ALG9: variants seen among roughly 807,000 people sequenced by gnomAD.
ALG9 encodes alpha-1,2-mannosyltransferase ALG9.
Under a neutral mutation model 81.8 loss-of-function variants are expected in ALG9, and 55 were observed. That is an observed-to-expected ratio of 0.67 (90% CI 0.54 to 0.84). ALG9 has a LOEUF of 0.84. ALG9 is among the 40% of genes least tolerant of loss of function. ALG9 has a pLI of 0.00. For synonymous variants in ALG9, 278 were observed against 274.3 expected (o/e 1.01, Z -0.13); for missense variants, 629 against 745.0 (o/e 0.84, Z 1.81).
At chr11:111,838,559 A>G (rs1434304612) in intron 10 of ALG9, among the ~76,000 whole-genome samples, 160 bp from the exon 11 acceptor site, 3 of 152,252 alleles carry the variant, frequency 2.0e-5, no homozygotes, top group Admixed American at 2.0e-4. Context: ...CTCCTCTAAG[A>G]CTACCTGTAG....
intron 13 of ALG9, among the ~76,000 whole-genome samples, chr11:111,827,312 A>C (rs899632994): frequency 3.3e-5 from 5 of 152,122 alleles, no homozygotes; most frequent in Non-Finnish European, 5.9e-5. Context: ...TCCTGTCTCT[A>C]CTAAAAATAC....
rs1956088743 is a variant in ALG9 at position 111,840,709 on chromosome 11, G to A, written c.1119C>T (p.Phe373=). 1.2e-6 allele frequency: 2 copies of A among 1,613,874 alleles called. No homozygotes were observed. Among genetic ancestry groups the A allele is most frequent in the African/African-American group, 1.3e-5 (1 of 74,882 alleles). Reference sequence around the variant, plus strand: ...AGAGACATATAAGTGGATACACAGGGAAAAGAAATCTCTCCTCTTTGTGAG... The same window carrying A: ...AGAGACATATAAGTGGATACACAGGAAAAAGAAATCTCTCCTCTTTGTGAG... ...IQPHKEERFL[F]PVYPLICLCG... is the part of the protein sequence containing the mutation. Residue 373 remains phenylalanine (F), a synonymous_variant, in exon 10 of 15, where the codon TTC becomes TTT. Coordinates refer to ENST00000616540, the MANE Select transcript of ALG9 (RefSeq NM_024740.2).
rs1555157382 is a variant in ALG9, at chr11:111,870,382, C to CCAA, written c.132-13_132-12insTTG. 2.6e-3 allele frequency: 2,541 copies of CCAA among 968,622 alleles called. 17 individuals carry two copies. Among genetic ancestry groups the CCAA allele is most frequent in the South Asian group, 5.4e-3 (231 of 42,720 alleles). 60.0% of individuals were successfully genotyped at this position (968,622 alleles called of 1,614,324 possible). A position where few individuals can be genotyped will look rare whatever the true frequency, so the allele number is the denominator to read the frequency against. On this transcript the variant is annotated splice_polypyrimidine_tract_variant and intron_variant, in intron 1 of 14. Transcript: ENST00000616540. ...TGTTCCCAGATAACCTGTTCAAAAG[C>CCAA]AAAAAAAAAAAAAAAAAAAAAAGCA...
chr11:111,780,394 G>GTT (rs149395873), downstream of ALG9, among the ~76,000 whole-genome samples: 58 of 143,678 alleles, frequency 4.0e-4, no homozygotes, highest in Middle Eastern at 3.5e-3. Flanking sequence ...TTTTTTTTTT[G>GTT]TTTTGTTTTT....
intron 6 of ALG9, among the ~76,000 whole-genome samples, chr11:111,855,834 AAATAG>A (rs1303759654): frequency 3.3e-5 from 5 of 152,208 alleles, no homozygotes; most frequent in African/African-American, 4.8e-5. Context: ...AGAATGTGCA[AAATAG>A]AATAGAAGAA....
At chr11:111,804,685 G>A (rs1270316155) in intron 14 of ALG9, among the ~76,000 whole-genome samples, 2 of 152,218 alleles carry the variant, frequency 1.3e-5, no homozygotes, top group Non-Finnish European at 2.9e-5. Flanking sequence ...AAGATACTCA[G>A]ATGGCAAATG....
intron 5 of ALG9, 72 bp from the exon 6 acceptor site, chr11:111,857,809 T>G: frequency 2.6e-6 from 4 of 1,558,772 alleles, no homozygotes; most frequent in Non-Finnish European, 3.5e-6. Flanking sequence ...AATTAAAAAC[T>G]GATTAAAAAT....
intron 13 of ALG9, among the ~76,000 whole-genome samples, chr11:111,823,625 C>G (rs1467614737): frequency 2.6e-5 from 4 of 152,140 alleles, no homozygotes; most frequent in Admixed American, 2.0e-4. Context: ...GCTTACATGC[C>G]TGAAAAATTC....
Position 111,860,570 on chromosome 11 carries a change from G to C in ALG9, c.542C>G (p.Thr181Ser). 1 of 1,614,078 alleles carries C rather than the reference G, an allele frequency of 6.2e-7. No homozygotes were observed. The highest frequency in any genetic ancestry group is 8.5e-7 in the Non-Finnish European group (1 of 1,179,988). Residue 181 changes from threonine (T) to serine (S), a missense_variant, in exon 5 of 15, where the codon ACT becomes AGT. Thr to Ser is a moderately conservative substitution (Grantham distance 58). Around this residue, in one of 3 missense-constraint regions of ALG9, gnomAD observed 344 missense variants for 390.5 expected, o/e 0.88. Coordinates refer to ENST00000616540, the MANE Select transcript of ALG9 (RefSeq NM_024740.2). The stretch of plus-strand genomic sequence containing the variant: ...ACCTGATGATGAGCAAAACATGCCA[G>C]TGCTGAGAACCAAGAAGGCTAGCAT... ...RMMLAFLVLS[T>S]GMFCSSSAFL...
chr11:111,836,060 G>A, intron 13 of ALG9, 105 bp downstream of exon 13: 1 of 1,519,600 alleles, frequency 6.6e-7, no homozygotes, highest in Non-Finnish European at 9.1e-7. Flanking sequence ...TAAAAAAATT[G>A]CTTTCTAAGA....
chr11:111,856,276 CAAAAAA>C (rs1175162630), intron 6 of ALG9, among the ~76,000 whole-genome samples: 1 of 38,586 alleles, frequency 2.6e-5, no homozygotes, highest in Non-Finnish European at 6.4e-5. Flanking sequence ...GACTCCATCT[CAAAAAA>C]AAAAAAAAAA....
At chr11:111,829,240 T>C (rs944768872) in intron 13 of ALG9, 1 of 152,190 alleles carries the variant, frequency 6.6e-6, no homozygotes, top group Non-Finnish European at 1.5e-5. Flanking sequence ...CTTTCTTGCA[T>C]CAAAAATAAC....
intron 13 of ALG9, among the ~76,000 whole-genome samples, chr11:111,829,951 A>G (rs930705487): frequency 2.0e-5 from 3 of 152,248 alleles, no homozygotes; most frequent in South Asian, 2.1e-4. Context: ...GTGCTGCCAT[A>G]AAATATTTGA....
chr11:111,848,309 G>A (rs1036689632), intron 8 of ALG9, among the ~76,000 whole-genome samples: 1 of 152,160 alleles, frequency 6.6e-6, no homozygotes, highest in African/African-American at 2.4e-5. Context: ...AATGAAAGGT[G>A]TCAGCTCAAG....
chr11:111,862,137 A>G lies in ALG9; in HGVS notation c.477-1502T>C, dbSNP rs549017912. On this transcript the variant is annotated intron_variant, in intron 4 of 14. Coordinates refer to ENST00000616540, the MANE Select transcript of ALG9 (RefSeq NM_024740.2). Reference sequence around the variant, plus strand: ...CATTTCTAGAAAATTCTCAGCTATTAATACCCCGAATATTGCCTCTCCGCA... The same window carrying G: ...CATTTCTAGAAAATTCTCAGCTATTGATACCCCGAATATTGCCTCTCCGCA... 4.6e-4 allele frequency among the ~76,000 whole-genome samples: 70 copies of G among 152,080 alleles called. No individual in the cohort carries two copies. The South Asian group carries it at 5.8e-3, about 13-fold the overall frequency.
At chr11:111,799,279 T>C (rs782804747) in intron 14 of ALG9, among the ~76,000 whole-genome samples, 1 of 152,136 alleles carries the variant, frequency 6.6e-6, no homozygotes, top group Non-Finnish European at 1.5e-5. Context: ...CCCGAGTAGC[T>C]GGGACTACAG....
chr11:111,801,453 A>C (rs971150885), intron 14 of ALG9, among the ~76,000 whole-genome samples: 5 of 152,248 alleles, frequency 3.3e-5, no homozygotes, highest in African/African-American at 4.8e-5. Context: ...CTGGAACCCT[A>C]GACAGCCTGC....
intron 1 of ALG9, chr11:111,871,149 G>T: frequency 1.6e-6 from 2 of 1,274,846 alleles, no homozygotes; most frequent in South Asian, 2.7e-5. Flanking sequence ...GTTTTACAGC[G>T]CAGTGGAGGG....
intron 13 of ALG9, among the ~76,000 whole-genome samples, chr11:111,834,236 A>G (rs1233513027): frequency 1.3e-5 from 2 of 152,232 alleles, no homozygotes; most frequent in Admixed American, 1.3e-4. Flanking sequence ...CACTTCAAAG[A>G]GGAAGATAAT....
Sources: allele counts gnomAD v4.1 joint callset (sites outside exome capture counted in the v4.1 genomes callset), GRCh38; gene constraint gnomAD v4.1.1; regional missense constraint gnomAD v4.1.1; transcripts MANE v1.5; gene names NCBI Gene and HGNC (gene_info 2026-07-23, HGNC 2026-07-21).